CCDC174: variants seen among roughly 807,000 people sequenced by gnomAD.
CCDC174 encodes coiled-coil domain-containing protein 174.
CCDC174 carries 37 observed loss-of-function variants against 57.1 expected under a neutral mutation model. The ratio of observed to expected loss-of-function variants is 0.65; its 90% CI spans 0.50 to 0.85. The LOEUF (loss-of-function observed/expected upper bound fraction) is 0.85, where lower values mean the gene tolerates loss of function less well. Ranked by LOEUF, CCDC174 falls within the 40% of genes least tolerant of loss-of-function variation. The pLI is 0.00. For synonymous variants in CCDC174, 182 were observed against 190.2 expected (o/e 0.96, Z 0.35); for missense variants, 540 against 574.3 (o/e 0.94, Z 0.61).
intron 2 of CCDC174, among the ~76,000 whole-genome samples, 193 bp from the exon 3 acceptor site, chr3:14,655,331 TTTATA>T (rs2030915850): frequency 1.3e-5 from 2 of 151,974 alleles, no homozygotes; most frequent in Admixed American, 6.6e-5. Context: ...AAAAAAGTTA[TTTATA>T]TAATTGAGGG....
chr3:14,661,668 A>C lies in CCDC174; in HGVS notation c.446A>C (p.Glu149Ala). 1 of 1,614,142 alleles carries C rather than the reference A, an allele frequency of 6.2e-7. No individual in the cohort carries two copies. The highest frequency in any genetic ancestry group is 8.5e-7 in the Non-Finnish European group (1 of 1,179,974). ...GACGACGATGAGGAAAACCTTCCTG[A>C]GGGAGAGATCCCTCCTCCCCAAGAC... Reference protein sequence around the residue: ...ERDDDEENLPEGEIPPPQDPS... With the variant: ...ERDDDEENLPAGEIPPPQDPS... The change falls in exon 5 of 11, where the codon GAG becomes GCG. Residue 149 changes from glutamate to alanine, a missense_variant. Glu to Ala is a moderately radical substitution (Grantham distance 107). Transcript: ENST00000383794.
chr3:14,662,382 C>CAGCCTGTGGAGTATAAGCAGG, intron 5 of CCDC174, among the ~76,000 whole-genome samples: 1 of 128,666 alleles, frequency 7.8e-6, no homozygotes, highest in East Asian at 2.5e-4. Context: ...CAAGAAAGTG[C>CAGCCTGTGGAGTATAAGCAGG]AGCCTGTGGA....
rs375688410 is a variant in CCDC174, at chr3:14,670,965, C to T, written c.1175C>T (p.Pro392Leu). 20 of 1,613,964 alleles carry T rather than the reference C, an allele frequency of 1.2e-5. No homozygotes were observed. The highest frequency in any genetic ancestry group is 1.1e-4 in the African/African-American group (8 of 74,902). The change falls in exon 11 of 11, where the codon CCG (proline) becomes CTG (leucine). Residue 392 changes from proline to leucine, a missense_variant. Pro to Leu is a moderately conservative substitution (Grantham distance 98, BLOSUM62 -3). Coordinates refer to ENST00000383794, the MANE Select transcript of CCDC174 (RefSeq NM_016474.5). The part of the protein sequence containing the change: ...LRAERDPEFA[P>L]PSDYFVGQKR... ...GCTGAGAGAGATCCTGAGTTTGCCC[C>T]GCCGTCAGATTACTTTGTGGGTCAG...
chr3:14,663,219 C>T (rs1293213434), intron 5 of CCDC174, among the ~76,000 whole-genome samples: 1 of 151,996 alleles, frequency 6.6e-6, no homozygotes, highest in Admixed American at 6.6e-5. Context: ...GTTGCCTAGG[C>T]TCTTCTTGAA....
At chr3:14,653,096 C>T (rs1464277804) in intron 1 of CCDC174, among the ~76,000 whole-genome samples, 1 of 152,096 alleles carries the variant, frequency 6.6e-6, no homozygotes, top group Non-Finnish European at 1.5e-5. Context: ...TATTTGAGTA[C>T]TAGTTATTAT....
At position 14,658,957 on chromosome 3, in the gene CCDC174, A is replaced by G; in HGVS notation, c.307+28A>G. 4 of 1,458,336 alleles carry G rather than the reference A, an allele frequency of 2.7e-6. No individual in the cohort carries two copies. In the South Asian group the frequency reaches 3.4e-5, roughly 13 times the overall value. The allele number at this position is 1,458,336 out of a possible 1,614,324, so 90.3% of individuals were successfully genotyped here. On this transcript the variant is annotated intron_variant, in intron 4 of 10. Coordinates refer to ENST00000383794, the MANE Select transcript of CCDC174 (RefSeq NM_016474.5). Reference sequence around the variant, plus strand: ...AAATAAAATTTGTTATTTCTACTTCATTTTCTATAATGCATACAGCCCTTT... The same window carrying G: ...AAATAAAATTTGTTATTTCTACTTCGTTTTCTATAATGCATACAGCCCTTT...
At chr3:14,652,013 A>G in intron 1 of CCDC174, 135 bp downstream of exon 1, 1 of 870,948 alleles carries the variant, frequency 1.1e-6, no homozygotes, top group Non-Finnish European at 1.9e-6. Context: ...GAACCCCCGA[A>G]CTGGATTTTC....
Position 14,672,045 on chromosome 3 carries a change from G to C in CCDC174, c.*851G>C, listed in dbSNP as rs538890193. The C allele has an allele frequency of 2.6e-5, 4 of 152,258 alleles. No homozygotes were observed. The East Asian group carries it at 7.7e-4, about 29-fold the overall frequency. 9.4% of individuals were successfully genotyped at this position (152,258 alleles called of 1,614,324 possible). A position where few individuals can be genotyped will look rare whatever the true frequency, so the allele number is the denominator to read the frequency against. ...TGTCATTAGTAATAAGGAGAGGGTT[G>C]GGGGTGGGCAGGGCTCCAGAAAGTC... On this transcript the variant is annotated 3_prime_UTR_variant, in exon 11 of 11. Transcript: ENST00000383794.
Position 14,670,964 on chromosome 3 carries a change from C to G in CCDC174, c.1174C>G (p.Pro392Ala). The G allele has an allele frequency of 1.9e-6, 3 of 1,614,092 alleles. No homozygotes were observed. Among genetic ancestry groups the G allele is most frequent in the Non-Finnish European group, 2.5e-6 (3 of 1,180,018 alleles). Residue 392 changes from proline to alanine, a missense_variant, in exon 11 of 11, where the codon CCG (proline) becomes GCG (alanine). Physicochemically the swap from Pro to Ala is conservative, Grantham distance 27. Coordinates refer to ENST00000383794, the MANE Select transcript of CCDC174 (RefSeq NM_016474.5). ...GGCTGAGAGAGATCCTGAGTTTGCC[C>G]CGCCGTCAGATTACTTTGTGGGTCA... ...LRAERDPEFA[P>A]PSDYFVGQKR...
intron 6 of CCDC174, 110 bp from the exon 7 acceptor site, chr3:14,666,695 C>T: frequency 1.2e-6 from 1 of 863,564 alleles, no homozygotes; most frequent in Non-Finnish European, 1.7e-6. Context: ...CTGTAGTTCC[C>T]TGTTTTCTTT....
intron 3 of CCDC174, among the ~76,000 whole-genome samples, chr3:14,657,022 G>C (rs1256802584): frequency 6.6e-6 from 1 of 152,140 alleles, no homozygotes; most frequent in Non-Finnish European, 1.5e-5. Context: ...ACAGACCTCA[G>C]GCTTTACTTA....
At chr3:14,665,864 A>G (rs1433199591) in intron 6 of CCDC174, among the ~76,000 whole-genome samples, 4 of 140,674 alleles carry the variant, frequency 2.8e-5, no homozygotes. Context: ...CCCCGTCTCT[A>G]CTGAAAATAC....
chr3:14,658,871 G>A lies in CCDC174; in HGVS notation c.249G>A (p.Arg83=), dbSNP rs959771279. 6 of 1,541,282 alleles carry A rather than the reference G, an allele frequency of 3.9e-6. No individual in the cohort carries two copies. Among genetic ancestry groups the A allele is most frequent in the East Asian group, 2.3e-5 (1 of 42,720 alleles). The stretch of plus-strand genomic sequence containing the variant: ...AATACTTGTATTTTTTTTCTCCTAG[G>A]GAAAAATTGGAAGAAAAAGCCAAAT... ...IEEQKTLDKA[R]EKLEEKAKLY... is the part of the protein sequence containing the mutation. The change falls in exon 4 of 11, where the codon AGG becomes AGA. Residue 83 remains arginine (R), a splice_region_variant and synonymous_variant. Transcript: ENST00000383794.
Position 14,671,500 on chromosome 3 carries a change from CCCA to C in CCDC174, c.*308_*310del, listed in dbSNP as rs1182040538. 1 of 278,136 alleles carries C rather than the reference CCCA, an allele frequency of 3.6e-6. No homozygotes were observed. The highest frequency in any genetic ancestry group is 6.7e-6 in the Non-Finnish European group (1 of 149,586). The allele number at this position is 278,136 out of a possible 1,614,324, so 17.2% of individuals were successfully genotyped here. ...CTTATAACCCTGTTTCATATCTACT[CCCA>C]CGACTTACTCATATTTAAGGGTTCT... On this transcript the variant is annotated 3_prime_UTR_variant, in exon 11 of 11. Coordinates refer to ENST00000383794, the MANE Select transcript of CCDC174 (RefSeq NM_016474.5).
At chr3:14,661,415 G>T in intron 4 of CCDC174, 115 bp from the exon 5 acceptor site, 2 of 781,976 alleles carry the variant, frequency 2.6e-6, no homozygotes, top group South Asian at 1.8e-5. Flanking sequence ...TGGAGGCATT[G>T]GCTGATGAGC....
intron 5 of CCDC174, 128 bp downstream of exon 5, chr3:14,661,835 C>T: frequency 1.3e-6 from 1 of 761,106 alleles, no homozygotes; most frequent in Non-Finnish European, 2.1e-6. Context: ...TTGAGACTTC[C>T]CTTTAAGTTA....
intron 2 of CCDC174, 40 bp downstream of exon 2, chr3:14,654,570 A>G (rs2124829846): frequency 1.0e-6 from 1 of 975,008 alleles, no homozygotes. Flanking sequence ...GGTTCCAAAC[A>G]TGGGAGAATT....
Position 14,671,200 on chromosome 3 carries a change from C to T in CCDC174, c.*6C>T. 6.2e-7 allele frequency: 1 copy of T among 1,601,278 alleles called. No homozygotes were observed. The highest frequency in any genetic ancestry group is 8.5e-7 in the Non-Finnish European group (1 of 1,171,586). Reference sequence around the variant, plus strand: ...ATTACAAACAAGTGACATGATCTTTCAAAGCACGCTGACTTGGGTTTGTAC... The same window carrying T: ...ATTACAAACAAGTGACATGATCTTTTAAAGCACGCTGACTTGGGTTTGTAC... On this transcript the variant is annotated 3_prime_UTR_variant, in exon 11 of 11. Coordinates refer to ENST00000383794, the MANE Select transcript of CCDC174 (RefSeq NM_016474.5).
chr3:14,652,205 C>G (rs1322429082), intron 1 of CCDC174, among the ~76,000 whole-genome samples: 1 of 152,190 alleles, frequency 6.6e-6, no homozygotes, highest in East Asian at 1.9e-4. Flanking sequence ...AGCCTTCTCC[C>G]TTACAGTCAG....
Sources: gnomAD v4.1 joint callset for allele counts (sites outside exome capture counted in the v4.1 genomes callset) on GRCh38, gnomAD v4.1.1 for gene constraint, MANE v1.5 for transcripts, NCBI Gene and HGNC (gene_info 2026-07-23, HGNC 2026-07-21) for gene names.